KIF23: variants seen among roughly 807,000 people sequenced by gnomAD.
The protein encoded by KIF23 is kinesin-like protein KIF23.
KIF23 carries 30 observed loss-of-function variants against 137.5 expected under a neutral mutation model. The observed-to-expected ratio is 0.22, with a 90% CI of 0.16 to 0.30. KIF23 has a LOEUF of 0.30. Among genes scored for constraint, KIF23 ranks in the 10% least tolerant of loss-of-function variants. KIF23 has a pLI of 1.00. For missense variants in KIF23, 920 were observed against 1,194.3 expected (o/e 0.77, Z 3.38); for synonymous variants, 367 against 391.1 (o/e 0.94, Z 0.73).
rs1256443602 is a variant in KIF23 at position 69,440,374 on chromosome 15, A to C, written c.1996A>C (p.Lys666Gln). 6.2e-7 allele frequency: 1 copy of C among 1,614,110 alleles called. No individual in the cohort carries two copies. The highest frequency in any genetic ancestry group is 1.7e-5 in the Admixed American group (1 of 60,008). ...ACTCTGGGTTAAAGATGAAAAGCTG[A>C]AACAACTGAAGGCTATTGTTACCGA... ...NKLWVKDEKL[K>Q]QLKAIVTEPK... is the part of the protein sequence containing the mutation. The change falls in exon 18 of 24, where the codon AAA becomes CAA. Residue 666 changes from lysine to glutamine, a missense_variant. This residue lies in a region of KIF23 where 714 missense variants were observed against 866.2 expected (regional missense o/e 0.82). Transcript: ENST00000679126.
Position 69,446,224 on chromosome 15 carries a change from A to G in KIF23, c.2757-59A>G, listed in dbSNP as rs117565891. The G allele has an allele frequency of 2.5e-3, 3,752 of 1,505,740 alleles. 6 individuals are homozygous for G. Among genetic ancestry groups the G allele is most frequent in the Non-Finnish European group, 3.1e-3 (3,320 of 1,081,456 alleles). The allele number at this position is 1,505,740 out of a possible 1,614,324, so 93.3% of individuals were successfully genotyped here. On this transcript the variant is annotated intron_variant, in intron 21 of 23. Transcript: ENST00000679126. ...TGTAGATAGTATTCCCCTACTTCTA[A>G]TATTTTTCCTCTTCTTAGATGGAAA...
Position 69,421,686 on chromosome 15 carries a change from A to G in KIF23, c.250A>G (p.Thr84Ala). 6.2e-7 allele frequency: 1 copy of G among 1,613,800 alleles called. No homozygotes were observed. Among genetic ancestry groups the G allele is most frequent in the Non-Finnish European group, 8.5e-7 (1 of 1,179,776 alleles). Residue 84 changes from threonine (T) to alanine (A), a missense_variant, in exon 4 of 24, where the codon ACC becomes GCC. Thr to Ala is a moderately conservative substitution (Grantham distance 58). Around this residue, in one of 4 missense-constraint regions of KIF23, gnomAD observed 124 missense variants for 122.0 expected, o/e 1.02. Transcript: ENST00000679126. ...TAAACAAGTATTTGGCACTCACACC[A>G]CCCAGAAGGAACTCTTTGATGTTGT... ...SFKQVFGTHT[T>A]QKELFDVVAN...
At position 69,444,678 on chromosome 15, in the gene KIF23, ATATT is replaced by A; in HGVS notation, c.2422-109_2422-106del. 1 of 1,063,780 alleles carries A rather than the reference ATATT, an allele frequency of 9.4e-7. No individual in the cohort carries two copies. The highest frequency in any genetic ancestry group is 2.5e-5 in the East Asian group (1 of 39,712). The allele number at this position is 1,063,780 out of a possible 1,614,324, so 65.9% of individuals were successfully genotyped here. On this transcript the variant is annotated intron_variant, in intron 19 of 23. Coordinates refer to ENST00000679126, the MANE Select transcript of KIF23 (RefSeq NM_001367805.3). This position sits in a 1 kb window ranked among gnomAD's most constrained non-coding sequence, Gnocchi z 4.2. ...ATCATGTTTAAATTACTTGAATAAA[ATATT>A]TAGCTTTGGAAAGGTTTGCTATGAT...
intron 4 of KIF23, 49 bp from the exon 5 acceptor site, chr15:69,421,943 A>G: frequency 6.3e-7 from 1 of 1,596,884 alleles, no homozygotes; most frequent in East Asian, 2.2e-5. Flanking sequence ...GAAATACTCT[A>G]AGTGGAGAAC....
intron 8 of KIF23, among the ~76,000 whole-genome samples, chr15:69,425,558 C>CA (rs1414249538): frequency 1.3e-5 from 2 of 152,198 alleles, no homozygotes; most frequent in Non-Finnish European, 1.5e-5. Context: ...CTCTCATACC[C>CA]AACCTTCATC....
chr15:69,428,926 C>A (rs2057282470), intron 10 of KIF23, among the ~76,000 whole-genome samples, 185 bp from the exon 11 acceptor site: 2 of 152,266 alleles, frequency 1.3e-5, no homozygotes, highest in East Asian at 3.9e-4. Context: ...TCATTAATGT[C>A]ATGAGTATAT....
chr15:69,435,090 G>T, intron 11 of KIF23: 2 of 490,382 alleles, frequency 4.1e-6, no homozygotes, highest in South Asian at 3.8e-5. Flanking sequence ...CCCCAGAAGC[G>T]GGACGGTGGC....
chr15:69,422,431 A>C lies in KIF23; in HGVS notation c.559A>C (p.Ser187Arg). 1.3e-6 allele frequency: 2 copies of C among 1,561,458 alleles called. No homozygotes were observed. The highest frequency in any genetic ancestry group is 1.8e-6 in the Non-Finnish European group (2 of 1,132,270). ...TATGCCCAATCCAAAGACTTCTTCT[A>C]GCAAGTAAGTAATTATATTTGTCTG... ...EAMPNPKTSS[S>R]KRQVDPEFAD... The change falls in exon 6 of 24, where the codon AGC (serine) becomes CGC (arginine). Residue 187 changes from serine to arginine, a missense_variant. This residue lies in a region of KIF23 where 714 missense variants were observed against 866.2 expected (regional missense o/e 0.82). Transcript: ENST00000679126.
chr15:69,447,879 G>A lies in KIF23; in HGVS notation c.*72G>A, dbSNP rs1484090932. Reference sequence around the variant, plus strand: ...TTTCTCGAAAGCCATGCCAGAAGCAGTCTTCCAGGTCATCTTGTAGAACTC... The same window carrying A: ...TTTCTCGAAAGCCATGCCAGAAGCAATCTTCCAGGTCATCTTGTAGAACTC... On this transcript the variant is annotated 3_prime_UTR_variant, in exon 24 of 24. Coordinates refer to ENST00000679126, the MANE Select transcript of KIF23 (RefSeq NM_001367805.3). 2 of 1,486,464 alleles carry A rather than the reference G, an allele frequency of 1.3e-6. No homozygotes were observed. The highest frequency in any genetic ancestry group is 2.8e-5 in the African/African-American group (2 of 72,512). 92.1% of individuals were successfully genotyped at this position (1,486,464 alleles called of 1,614,324 possible). A position where few individuals can be genotyped will look rare whatever the true frequency, so the allele number is the denominator to read the frequency against.
intron 6 of KIF23, 111 bp from the exon 7 acceptor site, chr15:69,423,048 C>T: frequency 1.4e-6 from 1 of 710,228 alleles, no homozygotes; most frequent in South Asian, 1.7e-5. Flanking sequence ...ATCCGCCTGC[C>T]TCGGCCTCCC....
At chr15:69,429,955 T>C (rs954030559) in intron 11 of KIF23, among the ~76,000 whole-genome samples, 3 of 152,124 alleles carry the variant, frequency 2.0e-5, no homozygotes, top group African/African-American at 7.2e-5. Context: ...AGGTCAAGAC[T>C]GCAGCAATCC....
intron 16 of KIF23, 84 bp downstream of exon 16, chr15:69,438,489 T>C (rs200343097): frequency 3.1e-6 from 4 of 1,275,028 alleles, no homozygotes; most frequent in East Asian, 4.9e-5. Context: ...TCCAACGGCC[T>C]GTAAATGCTG....
In KIF23 at chr15:69,440,838, G is replaced by A. The variant is rs370717019; in HGVS notation, c.2180G>A (p.Arg727His). ...QLMSQPQLHR[R>H]SNSCSSISVA... ...ATGAGCCAGCCACAGCTACATAGGC[G>A]CTCTAACTCTTGCAGCAGCATTTCT... Residue 727 changes from arginine (R) to histidine (H), a missense_variant, in exon 19 of 24, where the codon CGC (arginine) becomes CAC (histidine). Arg to His is a conservative substitution (Grantham distance 29). Around this residue, in one of 4 missense-constraint regions of KIF23, gnomAD observed 714 missense variants for 866.2 expected, o/e 0.82. Transcript: ENST00000679126. 2.2e-5 allele frequency: 36 copies of A among 1,613,636 alleles called. No individual in the cohort carries two copies. The highest frequency in any genetic ancestry group is 1.1e-4 in the East Asian group (5 of 44,892).
intron 11 of KIF23, chr15:69,435,208 G>A (rs1413919205): frequency 2.1e-6 from 1 of 478,966 alleles, no homozygotes; most frequent in African/African-American, 2.0e-5. Flanking sequence ...GGATTTGGAA[G>A]AAACCTTATA....
chr15:69,440,024 G>A lies in KIF23; in HGVS notation c.1876G>A (p.Ala626Thr). The A allele has an allele frequency of 2.5e-6, 4 of 1,614,004 alleles. No homozygotes were observed. The highest frequency in any genetic ancestry group is 3.4e-6 in the Non-Finnish European group (4 of 1,180,008). Residue 626 changes from alanine (A) to threonine (T), a missense_variant, in exon 17 of 24, where the codon GCC (alanine) becomes ACC (threonine). Around this residue, in one of 4 missense-constraint regions of KIF23, gnomAD observed 714 missense variants for 866.2 expected, o/e 0.82. Transcript: ENST00000679126. ...RQFSDKRRLEARLQGMVTETT... is the reference protein window; with the variant it reads ...RQFSDKRRLETRLQGMVTETT... ...GTTTTCTGACAAACGCAGATTAGAA[G>A]CCAGGTTGCAAGGCATGGTGACAGA...
intron 6 of KIF23, among the ~76,000 whole-genome samples, chr15:69,422,705 T>C (rs555893537): frequency 7.2e-5 from 11 of 152,314 alleles, no homozygotes; most frequent in Admixed American, 1.3e-4. Flanking sequence ...GTGGGAATAC[T>C]GTTGGCAAAC....
chr15:69,427,445 T>C (rs1326836991), intron 10 of KIF23: 4 of 456,054 alleles, frequency 8.8e-6, no homozygotes, highest in African/African-American at 8.0e-5. Context: ...TAAAAATCCC[T>C]TTGGTAGAAG....
intron 1 of KIF23, 117 bp from the exon 2 acceptor site, chr15:69,415,875 GCA>G (rs2056891539): frequency 1.5e-6 from 1 of 681,586 alleles, no homozygotes; most frequent in African/African-American, 1.9e-5. Flanking sequence ...GCAGTGTTTT[GCA>G]ACTGCTAAGG....
intron 11 of KIF23, among the ~76,000 whole-genome samples, chr15:69,431,152 TTTGA>T (rs2057346911): frequency 1.3e-5 from 2 of 152,038 alleles, no homozygotes; most frequent in South Asian, 2.1e-4. Flanking sequence ...TAAGGAGGTG[TTTGA>T]TTGAGGAGAA....
Sources: gnomAD v4.1 joint callset for allele counts (sites outside exome capture counted in the v4.1 genomes callset) on GRCh38, gnomAD v4.1.1 for gene constraint, gnomAD v4.1.1 regional missense constraint, Gnocchi (gnomAD v3.1) non-coding constraint, MANE v1.5 for transcripts, NCBI Gene and HGNC (gene_info 2026-07-23, HGNC 2026-07-21) for gene names.